Variants in SNTG2 observed in about 807,000 individuals in gnomAD.
The protein encoded by SNTG2 is gamma-2-syntrophin.
SNTG2 carries 74 observed loss-of-function variants against 70.9 expected under a neutral mutation model. The observed-to-expected ratio is 1.04, with a 90% CI of 0.86 to 1.27. The LOEUF is 1.27. Among genes scored for constraint, SNTG2 ranks in the 50% most tolerant of loss-of-function variants. SNTG2 has a pLI of 0.00. For synonymous variants in SNTG2, 278 were observed against 273.8 expected (o/e 1.02, Z -0.15); for missense variants, 717 against 690.7 (o/e 1.04, Z -0.43).
chr2:1,005,816 TA>T, intron 1 of SNTG2, among the ~76,000 whole-genome samples: 1 of 6,890 alleles, frequency 1.5e-4, no homozygotes, highest in Non-Finnish European at 2.7e-4. Flanking sequence ...AATATATATA[TA>T]TATATATATA....
chr2:1,072,152 A>G (rs1451586386), intron 1 of SNTG2, among the ~76,000 whole-genome samples: 1 of 152,172 alleles, frequency 6.6e-6, no homozygotes, highest in South Asian at 2.1e-4. Context: ...TAGATTTTCC[A>G]CGTAGATGAA....
chr2:1,232,161 A>G (rs1173418058), intron 9 of SNTG2, among the ~76,000 whole-genome samples: 1 of 152,154 alleles, frequency 6.6e-6, no homozygotes, highest in Admixed American at 6.5e-5. Context: ...CCCTGTTCTC[A>G]TGAACCAATG....
At chr2:1,307,520 T>C (rs922540459) in intron 14 of SNTG2, among the ~76,000 whole-genome samples, 2 of 151,674 alleles carry the variant, frequency 1.3e-5, no homozygotes, top group African/African-American at 2.4e-5. Context: ...CAAGCACCCA[T>C]TTCCCACAAG....
At chr2:1,160,524 T>A (rs1371798015) in intron 6 of SNTG2, 1 of 152,206 alleles carries the variant, frequency 6.6e-6, no homozygotes, top group Non-Finnish European at 1.5e-5. Context: ...AGTTTGCGAC[T>A]CCACGGAGAA....
intron 1 of SNTG2, among the ~76,000 whole-genome samples, chr2:1,020,724 C>G: frequency 6.6e-6 from 1 of 152,186 alleles, no homozygotes; most frequent in Non-Finnish European, 1.5e-5. Flanking sequence ...ATTTTAACCT[C>G]AAACATGTCA....
intron 1 of SNTG2, among the ~76,000 whole-genome samples, chr2:984,084 G>C (rs1040527215): frequency 1.3e-5 from 2 of 152,302 alleles, no homozygotes; most frequent in East Asian, 1.9e-4. Context: ...GAGGGGCCAG[G>C]TGGCAGGAGC....
intron 16 of SNTG2, among the ~76,000 whole-genome samples, chr2:1,356,698 C>T (rs11211662): frequency 0.72 from 109,825 of 152,132 alleles, 39,938 homozygotes; most frequent in East Asian, 0.94. Flanking sequence ...TTTTCTATGT[C>T]TGTAAAAATG....
chr2:1,298,430 G>A (rs766206532), intron 14 of SNTG2, among the ~76,000 whole-genome samples: 6 of 152,086 alleles, frequency 3.9e-5, no homozygotes, highest in African/African-American at 1.2e-4. Flanking sequence ...CACCACACCC[G>A]GCCTATACAT....
rs572787035 is a variant in SNTG2, at chr2:967,649, T to G, written c.72+16581T>G. ...TTTGCTTCTACATTCACGTTGGATG[T>G]TGGTTTGTTTCTCTTCATGTTGTGC... On this transcript the variant is annotated intron_variant, in intron 1 of 16. Coordinates refer to ENST00000308624, the MANE Select transcript of SNTG2 (RefSeq NM_018968.4). Among the ~76,000 whole-genome samples, 9 of 152,326 alleles carry G rather than the reference T, an allele frequency of 5.9e-5. No individual in the cohort carries two copies. The East Asian group carries it at 1.7e-3, about 29-fold the overall frequency.
At chr2:1,185,212 T>C (rs1672171485) in intron 8 of SNTG2, among the ~76,000 whole-genome samples, 2 of 152,212 alleles carry the variant, frequency 1.3e-5, no homozygotes, top group African/African-American at 4.8e-5. Flanking sequence ...CTTAAGGCCT[T>C]GGGCAGCCCC....
intron 16 of SNTG2, among the ~76,000 whole-genome samples, chr2:1,330,145 A>AC (rs1372785931): frequency 1.3e-5 from 2 of 152,218 alleles, no homozygotes; most frequent in Non-Finnish European, 2.9e-5. Context: ...TGGCATTTTC[A>AC]CCTTCTTCAG....
chr2:1,146,305 A>G (rs971800642), intron 6 of SNTG2, among the ~76,000 whole-genome samples: 2 of 152,252 alleles, frequency 1.3e-5, no homozygotes, highest in African/African-American at 4.8e-5. Context: ...CATTTACATT[A>G]GCACTAAAAG....
At chr2:1,324,902 T>A (rs1441338848) in intron 16 of SNTG2, among the ~76,000 whole-genome samples, 1 of 152,242 alleles carries the variant, frequency 6.6e-6, no homozygotes. Context: ...CAGACTGTGC[T>A]GGTAGTATCT....
At chr2:1,076,501 T>C (rs1470214910) in intron 1 of SNTG2, among the ~76,000 whole-genome samples, 2 of 152,216 alleles carry the variant, frequency 1.3e-5, no homozygotes, top group Admixed American at 1.3e-4. Flanking sequence ...ACACTTTGAA[T>C]CTATAGAATA....
intron 1 of SNTG2, among the ~76,000 whole-genome samples, chr2:989,086 T>C (rs147989934): frequency 1.0e-3 from 157 of 152,356 alleles, no homozygotes; most frequent in African/African-American, 3.7e-3. Context: ...CTTTATATCT[T>C]GTGACTGTCA....
At chr2:1,223,639 A>G (rs1675524645) in intron 9 of SNTG2, among the ~76,000 whole-genome samples, 1 of 152,236 alleles carries the variant, frequency 6.6e-6, no homozygotes, top group Admixed American at 6.5e-5. Context: ...GGGGAGAACT[A>G]TCAGTGACAT....
rs1376216810 is a variant in SNTG2, at chr2:1,267,542, G to A, written c.1255G>A (p.Ala419Thr). Residue 419 changes from alanine to threonine, a missense_variant, in exon 14 of 17, where the codon GCC (alanine) becomes ACC (threonine). Coordinates refer to ENST00000308624, the MANE Select transcript of SNTG2 (RefSeq NM_018968.4). ...LAMWEKSFQR[A>T]TFMEVQRTGS... ...CATGTGGGAGAAGTCCTTCCAAAGA[G>A]CCACGTTCATGGAAGTTCAGAGAAC... The A allele has an allele frequency of 2.5e-6, 4 of 1,613,374 alleles. No homozygotes were observed. In the East Asian group the frequency reaches 8.9e-5, roughly 36 times the overall value.
At position 1,355,927 on chromosome 2, in the gene SNTG2, T is replaced by C. The variant is rs74325134; in HGVS notation, c.1489-11416T>C. Among the ~76,000 whole-genome samples, 1,508 of 152,324 alleles carry C rather than the reference T, an allele frequency of 9.9e-3. 32 individuals are homozygous for C. The highest frequency in any genetic ancestry group is 0.034 in the African/African-American group (1,433 of 41,570). On this transcript the variant is annotated intron_variant, in intron 16 of 16. Coordinates refer to ENST00000308624, the MANE Select transcript of SNTG2 (RefSeq NM_018968.4). ...TGTCTCAGTGTGGTTTTGATTTGCA[T>C]TTCCCTAATGCTTGGTGATGTGAAT... is the stretch of plus-strand genomic sequence containing the variant.
chr2:1,175,837 T>G (rs1671438447), intron 8 of SNTG2, among the ~76,000 whole-genome samples: 1 of 152,154 alleles, frequency 6.6e-6, no homozygotes, highest in South Asian at 2.1e-4. Context: ...GGGGCATGAT[T>G]CGGTGCCATT....
Sources: gnomAD v4.1 joint callset for allele counts (sites outside exome capture counted in the v4.1 genomes callset) on GRCh38, gnomAD v4.1.1 for gene constraint, MANE v1.5 for transcripts, NCBI Gene and HGNC (gene_info 2026-07-23, HGNC 2026-07-21) for gene names.